SLC12A3: variants seen among roughly 807,000 people sequenced by gnomAD.
SLC12A3 encodes Na-Cl cotransporter.
Under a neutral mutation model 121.0 loss-of-function variants are expected in SLC12A3, and 104 were observed. The observed-to-expected ratio is 0.86, with a 90% confidence interval of 0.73 to 1.01. SLC12A3 has a LOEUF of 1.01. Among genes scored for constraint, SLC12A3 ranks in the 50% least tolerant of loss-of-function variants. The pLI, the probability that SLC12A3 is intolerant of heterozygous loss-of-function variation, is 0.00. For synonymous variants in SLC12A3, 536 were observed against 533.4 expected (o/e 1.00, Z -0.07); for missense variants, 1,328 against 1,356.3 (o/e 0.98, Z 0.33).
At chr16:56,910,358 C>G (rs967127514) in intron 25 of SLC12A3, among the ~76,000 whole-genome samples, 5 of 151,608 alleles carry the variant, frequency 3.3e-5, no homozygotes, top group Admixed American at 6.6e-5. Context: ...GTTTTGGTGG[C>G]GGGGTCTTAC....
intron 25 of SLC12A3, among the ~76,000 whole-genome samples, chr16:56,912,737 G>T (rs1441062427): frequency 2.0e-5 from 3 of 152,236 alleles, no homozygotes; most frequent in Non-Finnish European, 4.4e-5. Context: ...AGAAGATGCT[G>T]TTGGGACTGT....
intron 24 of SLC12A3, 23 bp downstream of exon 24, chr16:56,902,531 G>GGGGGCCCA: frequency 1.4e-6 from 1 of 714,570 alleles, no homozygotes; most frequent in Non-Finnish European, 2.4e-6. Context: ...GTGGGGGTGG[G>GGGGGCCCA]AAACGCGACA....
intron 13 of SLC12A3, among the ~76,000 whole-genome samples, chr16:56,883,437 C>T (rs545353631): frequency 9.2e-5 from 14 of 151,956 alleles, no homozygotes; most frequent in Middle Eastern, 3.4e-3. Context: ...CCCACCACCA[C>T]GCCCAGCTAA....
Position 56,881,865 on chromosome 16 carries a change from A to G in SLC12A3, c.1568-531A>G, listed in dbSNP as rs947085770. Among the ~76,000 whole-genome samples the G allele has an allele frequency of 2.6e-4, 40 of 152,044 alleles. 1 individual carries two copies. Among genetic ancestry groups the G allele is most frequent in the Non-Finnish European group, 1.5e-5 (1 of 68,022 alleles). The stretch of plus-strand genomic sequence containing the variant: ...GGAGTTCGAGACCAGCCTGGCCAAC[A>G]TGGTGAAACCCTGTTTCTACTAAAA... On this transcript the variant is annotated intron_variant, in intron 12 of 25. Transcript: ENST00000563236.
chr16:56,878,053 T>TCCCCCCCCCC, intron 8 of SLC12A3, 24 bp from the exon 9 acceptor site: 1 of 271,428 alleles, frequency 3.7e-6, no homozygotes, highest in South Asian at 2.4e-5. Flanking sequence ...CCTCCCTCCC[T>TCCCCCCCCCC]CCCTCTCTCC....
At chr16:56,906,893 T>A (rs1009565836) in intron 25 of SLC12A3, 2 of 545,262 alleles carry the variant, frequency 3.7e-6, no homozygotes, top group Non-Finnish European at 6.9e-6. Context: ...TTAAGGGGAC[T>A]GTAAAGGCCA....
intron 12 of SLC12A3, among the ~76,000 whole-genome samples, chr16:56,880,794 C>T (rs2055230294): frequency 6.6e-6 from 1 of 152,186 alleles, no homozygotes; most frequent in Admixed American, 6.5e-5. Context: ...GATCAACTTC[C>T]TATCCAGGCT....
At chr16:56,868,419 A>ATTCTTCCCAGCTTGCCTGAATCCTG in intron 3 of SLC12A3, 47 bp downstream of exon 3, 1 of 1,548,516 alleles carries the variant, frequency 6.5e-7, no homozygotes. Flanking sequence ...CCTGAATCCC[A>ATTCTTCCCAGCTTGCCTGAATCCTG]TTCTTCCCAG....
At chr16:56,871,245 C>T (rs1464749240) in intron 6 of SLC12A3, among the ~76,000 whole-genome samples, 2 of 152,196 alleles carry the variant, frequency 1.3e-5, no homozygotes, top group Non-Finnish European at 2.9e-5. Flanking sequence ...TCCATCCCTG[C>T]GCCGTGGCCT....
chr16:56,881,425 G>T (rs1310517318), intron 12 of SLC12A3, among the ~76,000 whole-genome samples: 2 of 150,306 alleles, frequency 1.3e-5, no homozygotes, highest in Non-Finnish European at 1.5e-5. Flanking sequence ...CCCTGATGCA[G>T]ATTCGATGTC....
At chr16:56,878,267 C>T in intron 9 of SLC12A3, 106 bp downstream of exon 9, 1 of 864,430 alleles carries the variant, frequency 1.2e-6, no homozygotes, top group East Asian at 2.5e-5. Context: ...GGGTTCGACT[C>T]TCTAACAACA....
In SLC12A3 at chr16:56,872,751, A is replaced by ATC. The variant is rs1224300565; in HGVS notation, c.1061_1062dup (p.Leu355SerfsTer16). ...CATCTTCTTCCCCTCGGCCACAGGC[A>ATC]TCCTGGCAGGGGCCAACATATCTGG... On this transcript the variant is annotated frameshift_variant, in exon 8 of 26. Transcript: ENST00000563236. LOFTEE classifies it high-confidence loss of function. The ATC allele has an allele frequency of 1.2e-6, 2 of 1,614,244 alleles. No individual in the cohort carries two copies. The highest frequency in any genetic ancestry group is 1.7e-6 in the Non-Finnish European group (2 of 1,180,046).
chr16:56,913,580 T>C lies in SLC12A3; in HGVS notation c.*175T>C. The C allele has an allele frequency of 1.4e-6, 1 of 705,472 alleles. No individual in the cohort carries two copies. Among genetic ancestry groups the C allele is most frequent in the South Asian group, 1.6e-5 (1 of 63,150 alleles). 43.7% of individuals were successfully genotyped at this position (705,472 alleles called of 1,614,324 possible). ...CAAATCTGGCTGGACTCCACTTCCA[T>C]GGGACACATTCCCTGGGTCTTGTGT... On this transcript the variant is annotated 3_prime_UTR_variant, in exon 26 of 26. Coordinates refer to ENST00000563236, the MANE Select transcript of SLC12A3 (RefSeq NM_001126108.2).
chr16:56,913,053 G>A (rs1262355069), intron 25 of SLC12A3, among the ~76,000 whole-genome samples: 2 of 152,154 alleles, frequency 1.3e-5, no homozygotes, highest in African/African-American at 2.4e-5. Flanking sequence ...CATAGGGCTT[G>A]TGGGCCATGG....
intron 22 of SLC12A3, among the ~76,000 whole-genome samples, chr16:56,897,870 C>T (rs1260747740): frequency 2.0e-5 from 3 of 152,304 alleles, no homozygotes; most frequent in South Asian, 2.1e-4. Flanking sequence ...TGCCAGCCTC[C>T]GCTGCTACTG....
At position 56,902,320 on chromosome 16, in the gene SLC12A3, C is replaced by CA. The variant is rs1351634713; in HGVS notation, c.2721-53_2721-52insA. ...AGCTCCCCGCAGGGACCTGGCACCC[C>CA]TAGAAATGGGGTTATCGTCTCAGCC... On this transcript the variant is annotated intron_variant, in intron 23 of 25. Coordinates refer to ENST00000563236, the MANE Select transcript of SLC12A3 (RefSeq NM_001126108.2). 5.6e-6 allele frequency: 9 copies of CA among 1,613,182 alleles called. No homozygotes were observed. The East Asian group carries it at 2.0e-4, about 36-fold the overall frequency.
At chr16:56,902,531 G>GGGGGGGGGGTGCC in intron 24 of SLC12A3, 23 bp downstream of exon 24, 1 of 714,564 alleles carries the variant, frequency 1.4e-6, no homozygotes, top group Non-Finnish European at 2.4e-6. Flanking sequence ...GTGGGGGTGG[G>GGGGGGGGGGTGCC]AAACGCGACA....
intron 8 of SLC12A3, among the ~76,000 whole-genome samples, chr16:56,876,963 C>T (rs1372397029): frequency 2.0e-5 from 3 of 152,230 alleles, no homozygotes; most frequent in African/African-American, 4.8e-5. Flanking sequence ...GTGTCCTCCT[C>T]GCAGCTCTCT....
chr16:56,882,868 G>A (rs894515065), intron 13 of SLC12A3, among the ~76,000 whole-genome samples: 5 of 152,028 alleles, frequency 3.3e-5, no homozygotes, highest in African/African-American at 1.2e-4. Context: ...CTTGAACTGG[G>A]AAAGGGGAGG....
Sources: allele counts gnomAD v4.1 joint callset (sites outside exome capture counted in the v4.1 genomes callset), GRCh38; gene constraint gnomAD v4.1.1; transcripts MANE v1.5; gene names NCBI Gene and HGNC (gene_info 2026-07-23, HGNC 2026-07-21).